The following SNX29 variants were observed in gnomAD, a reference collection of about 807,000 sequenced individuals.
The protein encoded by SNX29 is sorting nexin 29, also known as sorting nexin-29.
Under a neutral mutation model 102.1 loss-of-function variants are expected in SNX29, and 78 were observed. The ratio of observed to expected loss-of-function variants is 0.76; its 90% CI spans 0.64 to 0.92. The LOEUF is 0.92. Ranked by LOEUF, SNX29 falls within the 40% of genes least tolerant of loss-of-function variation. The pLI is 0.00. For missense variants in SNX29, 1,280 were observed against 1,061.7 expected (o/e 1.21, Z -2.86); for synonymous variants, 580 against 414.5 (o/e 1.40, Z -4.85).
intron 15 of SNX29, among the ~76,000 whole-genome samples, chr16:12,299,536 C>G (rs1293509555): frequency 6.6e-6 from 1 of 152,128 alleles, no homozygotes; most frequent in Non-Finnish European, 1.5e-5. Context: ...AACACCTGTT[C>G]CTCCAGGGGG....
At chr16:12,525,330 A>G (rs1597736666) in intron 20 of SNX29, among the ~76,000 whole-genome samples, 1 of 120,340 alleles carries the variant, frequency 8.3e-6, no homozygotes, top group African/African-American at 3.5e-5. Flanking sequence ...TGAAAAAAGT[A>G]AAAAAAAAAA....
At chr16:12,486,834 G>C (rs952396698) in intron 19 of SNX29, among the ~76,000 whole-genome samples, 3 of 152,180 alleles carry the variant, frequency 2.0e-5, no homozygotes, top group African/African-American at 7.2e-5. Context: ...TGGGAGTGCT[G>C]CCCTCATAGT....
At chr16:12,192,930 G>A (rs1408275260) in intron 13 of SNX29, among the ~76,000 whole-genome samples, 2 of 152,134 alleles carry the variant, frequency 1.3e-5, no homozygotes, top group Non-Finnish European at 2.9e-5. Flanking sequence ...TTGAACTCCT[G>A]ACCTCAGGTG....
intron 19 of SNX29, among the ~76,000 whole-genome samples, chr16:12,518,925 A>G (rs16959798): frequency 0.17 from 25,195 of 152,202 alleles, 2,289 homozygotes; most frequent in East Asian, 0.32. Flanking sequence ...GATGCAGTGT[A>G]GCCTCTGGGA....
rs577503052 is a variant in SNX29 at position 12,101,874 on chromosome 16, G to A, written c.1402+22959G>A. ...GGTTTTTTGCTGCACCCATCAGCCC[G>A]TCATCTACATTAGGTATTTCTCCTA... On this transcript the variant is annotated intron_variant, in intron 11 of 20. Coordinates refer to ENST00000566228, the MANE Select transcript of SNX29 (RefSeq NM_032167.5). Among the ~76,000 whole-genome samples the A allele has an allele frequency of 1.2e-4, 19 of 152,160 alleles. No individual in the cohort carries two copies. In the South Asian group the frequency reaches 3.7e-3, roughly 30 times the overall value.
At chr16:12,563,880 C>T (rs1038966865) in intron 20 of SNX29, among the ~76,000 whole-genome samples, 1 of 152,232 alleles carries the variant, frequency 6.6e-6, no homozygotes, top group African/African-American at 2.4e-5. Flanking sequence ...TCTCTAGCCC[C>T]TTGGGCCTCT....
intron 15 of SNX29, among the ~76,000 whole-genome samples, chr16:12,351,193 G>C (rs1043528596): frequency 7.0e-6 from 1 of 143,060 alleles, no homozygotes; most frequent in South Asian, 2.2e-4. Flanking sequence ...ATGCCTATAA[G>C]AGGCCTGACA....
chr16:12,503,136 A>AC (rs1371976192), intron 19 of SNX29, among the ~76,000 whole-genome samples: 2 of 146,968 alleles, frequency 1.4e-5, no homozygotes, highest in Non-Finnish European at 3.0e-5. Flanking sequence ...CCTCAACTGC[A>AC]CACCCCCCTG....
chr16:12,506,253 C>T (rs1037143069), intron 19 of SNX29, among the ~76,000 whole-genome samples: 10 of 152,124 alleles, frequency 6.6e-5, no homozygotes, highest in Admixed American at 1.3e-4. Flanking sequence ...GAGCCACCAG[C>T]GCCTGGCTAG....
In SNX29 at chr16:12,543,546, C is replaced by T. The variant is rs552884229; in HGVS notation, c.2318+18705C>T. On this transcript the variant is annotated intron_variant, in intron 20 of 20. Coordinates refer to ENST00000566228, the MANE Select transcript of SNX29 (RefSeq NM_032167.5). ...TTGTGACACCTTTGGCCCAGACTTC[C>T]ACGCCCACTGAGCCACGAGATCACG... Among the ~76,000 whole-genome samples the T allele has an allele frequency of 6.8e-4, 103 of 152,292 alleles. 1 individual carries two copies. Among genetic ancestry groups the T allele is most frequent in the African/African-American group, 2.0e-3 (84 of 41,556 alleles).
At chr16:12,390,153 T>G (rs988247861) in intron 16 of SNX29, among the ~76,000 whole-genome samples, 6 of 127,730 alleles carry the variant, frequency 4.7e-5, no homozygotes, top group African/African-American at 1.8e-4. Flanking sequence ...TTGAGGGGTG[T>G]GTGTGTGTGT....
chr16:12,371,903 G>A (rs1164850956), intron 16 of SNX29, among the ~76,000 whole-genome samples: 1 of 151,854 alleles, frequency 6.6e-6, no homozygotes, highest in Admixed American at 6.6e-5. Flanking sequence ...TGCTCCTCCT[G>A]TTCCTTCTAC....
chr16:12,341,781 T>C (rs1048355864), intron 15 of SNX29, among the ~76,000 whole-genome samples: 17 of 152,188 alleles, frequency 1.1e-4, no homozygotes, highest in Non-Finnish European at 1.3e-4. Context: ...CAGAAGCTTG[T>C]GCCCTGTTGT....
chr16:12,398,839 C>CGA, intron 17 of SNX29, among the ~76,000 whole-genome samples: 1 of 147,078 alleles, frequency 6.8e-6, no homozygotes, highest in African/African-American at 2.6e-5. Flanking sequence ...TGAGTAAAAG[C>CGA]TATCCCCTTT....
intron 13 of SNX29, among the ~76,000 whole-genome samples, chr16:12,134,385 C>T (rs1411627234): frequency 1.3e-5 from 2 of 152,192 alleles, no homozygotes; most frequent in Non-Finnish European, 2.9e-5. Context: ...ATCAGGGTCT[C>T]TCATGAGGTT....
intron 2 of SNX29, among the ~76,000 whole-genome samples, chr16:11,999,626 G>A (rs1263682018): frequency 1.3e-5 from 2 of 152,196 alleles, no homozygotes; most frequent in Non-Finnish European, 2.9e-5. Context: ...ACTGGGCCAG[G>A]TGCAGTGGCT....
rs992636176 is a variant in SNX29, at chr16:12,569,503, C to G, written c.*874C>G. 2.6e-5 allele frequency: 6 copies of G among 231,770 alleles called. No individual in the cohort carries two copies. The East Asian group carries it at 3.7e-4, about 14-fold the overall frequency. The allele number at this position is 231,770 out of a possible 1,614,324, so 14.4% of individuals were successfully genotyped here. A position where few individuals can be genotyped will look rare whatever the true frequency, so the allele number is the denominator to read the frequency against. On this transcript the variant is annotated 3_prime_UTR_variant, in exon 21 of 21. Transcript: ENST00000566228. The stretch of plus-strand genomic sequence containing the variant: ...CCACTGCAGAAGGTTCCAGGGTTTT[C>G]AAACCAGGCTCCATGACTATGAAGT...
chr16:12,481,257 G>C (rs574458033), intron 19 of SNX29, among the ~76,000 whole-genome samples: 2 of 152,172 alleles, frequency 1.3e-5, no homozygotes, highest in South Asian at 2.1e-4. Flanking sequence ...TCCCACTGGT[G>C]GGGGTGGATC....
intron 10 of SNX29, among the ~76,000 whole-genome samples, chr16:12,073,554 C>A (rs990267960): frequency 8.5e-5 from 13 of 152,076 alleles, no homozygotes; most frequent in Non-Finnish European, 1.8e-4. Flanking sequence ...AATTTCTGTT[C>A]TTTTACATTT....
Sources: gnomAD v4.1 joint callset for allele counts (sites outside exome capture counted in the v4.1 genomes callset) on GRCh38, gnomAD v4.1.1 for gene constraint, MANE v1.5 for transcripts, NCBI Gene and HGNC (gene_info 2026-07-23, HGNC 2026-07-21) for gene names.